The following TMPRSS15 variants were observed in gnomAD, a reference collection of about 807,000 sequenced individuals.
TMPRSS15 encodes transmembrane serine protease 15, also known as enteropeptidase.
TMPRSS15 carries 128 observed loss-of-function variants against 125.3 expected under a neutral mutation model. The ratio of observed to expected loss-of-function variants is 1.02; its 90% confidence interval spans 0.89 to 1.18. TMPRSS15 has a LOEUF of 1.18. Ranked by LOEUF, TMPRSS15 falls within the 50% of genes most tolerant of loss-of-function variation. The pLI is 0.00. For missense variants in TMPRSS15, 1,283 were observed against 1,212.7 expected (o/e 1.06, Z -0.86); for synonymous variants, 446 against 423.2 (o/e 1.05, Z -0.66).
rs902295886 is a variant in TMPRSS15, at chr21:18,277,956, C to CA, written c.2764+1007dup. Among the ~76,000 whole-genome samples the CA allele has an allele frequency of 4.2e-4, 64 of 151,670 alleles. 1 individual carries two copies. Among genetic ancestry groups the CA allele is most frequent in the African/African-American group, 1.5e-3 (61 of 41,380 alleles). On this transcript the variant is annotated intron_variant, in intron 23 of 24. Coordinates refer to ENST00000284885, the MANE Select transcript of TMPRSS15 (RefSeq NM_002772.3). ...GGGTATGAAGTACGAGAATACTTTT[C>CA]AAAAAAAAGTATGATTATTTTTAAT...
chr21:18,453,072 T>TAAA (rs1309532248), intron 1 of TMPRSS15, among the ~76,000 whole-genome samples: 1 of 152,216 alleles, frequency 6.6e-6, no homozygotes, highest in African/African-American at 2.4e-5. Flanking sequence ...TGAAACTTTA[T>TAAA]ATCTTTTGAA....
chr21:18,320,777 T>C lies in TMPRSS15; in HGVS notation c.1922-5521A>G, dbSNP rs963510924. 1.7e-4 allele frequency among the ~76,000 whole-genome samples: 26 copies of C among 152,194 alleles called. 1 individual carries two copies. Among genetic ancestry groups the C allele is most frequent in the Admixed American group, 1.7e-3 (26 of 15,288 alleles). On this transcript the variant is annotated intron_variant, in intron 16 of 24. Coordinates refer to ENST00000284885, the MANE Select transcript of TMPRSS15 (RefSeq NM_002772.3). ...ATTTTCCTTACACGCATAAACTGGATTCTGATTTTTTGCAACATACAATAG... is the reference window on the plus strand; with the variant it reads ...ATTTTCCTTACACGCATAAACTGGACTCTGATTTTTTGCAACATACAATAG...
chr21:18,300,256 T>G (rs2074954320), intron 18 of TMPRSS15, among the ~76,000 whole-genome samples: 1 of 151,704 alleles, frequency 6.6e-6, no homozygotes, highest in Non-Finnish European at 1.5e-5. Flanking sequence ...TTTTCTTCTT[T>G]CTCTCTTTCT....
intron 1 of TMPRSS15, among the ~76,000 whole-genome samples, chr21:18,464,297 G>C (rs987212564): frequency 1.3e-5 from 2 of 151,324 alleles, no homozygotes; most frequent in Admixed American, 6.6e-5. Context: ...TAAATGCCCA[G>C]AGGAGAAAGT....
intron 21 of TMPRSS15, among the ~76,000 whole-genome samples, chr21:18,282,430 C>G (rs912196600): frequency 6.6e-6 from 1 of 152,132 alleles, no homozygotes. Context: ...TCTTAACAGT[C>G]GCAAATGCCT....
intron 6 of TMPRSS15, among the ~76,000 whole-genome samples, chr21:18,365,649 C>CCCTT (rs57962003): frequency 0.05 from 3,278 of 65,718 alleles, 170 homozygotes; most frequent in East Asian, 0.099. Flanking sequence ...TCTTTTTCCT[C>CCCTT]CCTTCCTTCC....
intron 1 of TMPRSS15, among the ~76,000 whole-genome samples, chr21:18,470,883 GA>G (rs1357716506): frequency 6.6e-6 from 1 of 151,898 alleles, no homozygotes; most frequent in Non-Finnish European, 1.5e-5. Flanking sequence ...CCTCTTTGTG[GA>G]AAAAAGTATC....
intron 6 of TMPRSS15, among the ~76,000 whole-genome samples, chr21:18,370,972 G>A (rs1440417136): frequency 1.3e-5 from 2 of 152,082 alleles, no homozygotes; most frequent in East Asian, 3.9e-4. Context: ...TGTATTTATA[G>A]TCAGTTTTAA....
chr21:18,409,858 T>TTCCC (rs938427907), intron 1 of TMPRSS15, among the ~76,000 whole-genome samples: 1 of 77,666 alleles, frequency 1.3e-5, no homozygotes. Context: ...CCTTCCTTCC[T>TTCCC]TCCCTCCCTC....
At chr21:18,407,137 C>T (rs759731745), upstream of TMPRSS15, among the ~76,000 whole-genome samples, 4 of 151,974 alleles carry the variant, frequency 2.6e-5, no homozygotes, top group Non-Finnish European at 5.9e-5. Flanking sequence ...ATAGAAAATC[C>T]GTATGATGGT....
At chr21:18,437,759 A>G (rs2076231165) in intron 1 of TMPRSS15, among the ~76,000 whole-genome samples, 1 of 152,240 alleles carries the variant, frequency 6.6e-6, no homozygotes, top group South Asian at 2.1e-4. Context: ...AGAAATGCGA[A>G]TCAAAACCAC....
At position 18,403,602 on chromosome 21, in the gene TMPRSS15, T is replaced by C. The variant is rs759560120; in HGVS notation, c.21A>G (p.Ile7Met). Residue 7 changes from isoleucine (I) to methionine (M), a missense_variant, in exon 1 of 25, where the codon ATA (isoleucine) becomes ATG (methionine). Coordinates refer to ENST00000284885, the MANE Select transcript of TMPRSS15 (RefSeq NM_002772.3). ...AGCTGAGAGAATGATGCCTAGAAGATATGCCTCTTTTCGACCCCATTTTTG... is the reference window on the plus strand; with the variant it reads ...AGCTGAGAGAATGATGCCTAGAAGACATGCCTCTTTTCGACCCCATTTTTG... Reference protein sequence around the residue: MGSKRGISSRHHSLSSY... With the variant: MGSKRGMSSRHHSLSSY... 4 of 1,614,152 alleles carry C rather than the reference T, an allele frequency of 2.5e-6. No individual in the cohort carries two copies. The Middle Eastern group carries it at 5.0e-4, about 200-fold the overall frequency.
chr21:18,384,075 A>G, intron 3 of TMPRSS15, among the ~76,000 whole-genome samples: 1 of 152,124 alleles, frequency 6.6e-6, no homozygotes, highest in Non-Finnish European at 1.5e-5. Flanking sequence ...TGTTCCTGAG[A>G]CCCTTGTGTT....
At chr21:18,434,452 CT>C (rs1331984085) in intron 1 of TMPRSS15, among the ~76,000 whole-genome samples, 1 of 151,992 alleles carries the variant, frequency 6.6e-6, no homozygotes, top group African/African-American at 2.4e-5. Context: ...TTAAGATGCT[CT>C]TTTCCTAGGT....
rs17698445 is a variant in TMPRSS15 at position 18,279,040 on chromosome 21, A to G, written c.2688T>C (p.Cys896=). 0.099 allele frequency: 157,876 copies of G among 1,586,996 alleles called. 8,739 individuals carry two copies. The highest frequency in any genetic ancestry group is 0.18 in the African/African-American group (13,478 of 74,076). ...VNYTDYIQPI[C]LPEENQVFPP... is the part of the protein sequence containing the mutation. The stretch of plus-strand genomic sequence containing the variant: ...GAAAAACTTGATTTTCTTCCGGTAA[A>G]CAAATAGGTTGTATGTAATCTGGAA... The change falls in exon 23 of 25, where the codon TGT becomes TGC. Residue 896 remains cysteine, a synonymous_variant. Transcript: ENST00000284885.
chr21:18,344,425 A>T (rs2075483771), intron 10 of TMPRSS15, among the ~76,000 whole-genome samples: 1 of 152,182 alleles, frequency 6.6e-6, no homozygotes, highest in Admixed American at 6.5e-5. Flanking sequence ...ATATCTAGAG[A>T]TGCTGGTGGA....
rs1024194028 is a variant in TMPRSS15 at position 18,269,772 on chromosome 21, G to T, written c.*197C>A. 3.6e-6 allele frequency: 2 copies of T among 560,202 alleles called. No homozygotes were observed. The highest frequency in any genetic ancestry group is 3.8e-5 in the African/African-American group (2 of 52,932). The allele number at this position is 560,202 out of a possible 1,614,324, so 34.7% of individuals were successfully genotyped here. ...CAAATGTATTTAATGGTATTTTAAAGTTATTCTGTATTGCTATGGTGAATT... is the reference window on the plus strand; with the variant it reads ...CAAATGTATTTAATGGTATTTTAAATTTATTCTGTATTGCTATGGTGAATT... On this transcript the variant is annotated 3_prime_UTR_variant, in exon 25 of 25. Coordinates refer to ENST00000284885, the MANE Select transcript of TMPRSS15 (RefSeq NM_002772.3).
At chr21:18,279,768 A>G (rs988832985) in intron 22 of TMPRSS15, among the ~76,000 whole-genome samples, 2 of 152,180 alleles carry the variant, frequency 1.3e-5, no homozygotes, top group East Asian at 1.9e-4. Flanking sequence ...GATGATTTTC[A>G]GCATCAATTA....
At chr21:18,354,312 G>T (rs575407087) in intron 8 of TMPRSS15, among the ~76,000 whole-genome samples, 1 of 151,842 alleles carries the variant, frequency 6.6e-6, no homozygotes, top group East Asian at 1.9e-4. Flanking sequence ...GGCTCTTTAC[G>T]CTTGTAACTA....
Sources: gnomAD v4.1 joint callset for allele counts (sites outside exome capture counted in the v4.1 genomes callset) on GRCh38, gnomAD v4.1.1 for gene constraint, MANE v1.5 for transcripts, NCBI Gene and HGNC (gene_info 2026-07-23, HGNC 2026-07-21) for gene names.